Variants in UNC79 observed in about 807,000 individuals in gnomAD.
UNC79 encodes unc-79 subunit of NALCN channel complex.
A neutral mutation model predicts 283.1 loss-of-function variants in UNC79; 37 were observed. The ratio of observed to expected loss-of-function variants is 0.13; its 90% CI spans 0.10 to 0.17. UNC79 has a LOEUF of 0.17. UNC79 is among the 10% of genes least tolerant of loss of function. UNC79 has a pLI of 1.00. For synonymous variants in UNC79, 1,107 were observed against 1,200.2 expected, an observed-to-expected ratio of 0.92 and a Z score of 1.61; for missense variants, 2,272 against 3,211.1, an observed-to-expected ratio of 0.71 and a Z score of 7.07.
At chr14:93,365,011 T>C (rs1050336485) in intron 1 of UNC79, among the ~76,000 whole-genome samples, 1 of 151,976 alleles carries the variant, frequency 6.6e-6, no homozygotes, top group East Asian at 1.9e-4. Flanking sequence ...GGAGGGAAGA[T>C]TGCTTGAGAC....
rs142115082 is a variant in UNC79, at chr14:93,523,938, T to A, written c.899-40T>A. 3,734 of 1,607,466 alleles carry A rather than the reference T, an allele frequency of 2.3e-3. 8 individuals are homozygous for A. The highest frequency in any genetic ancestry group is 5.7e-3 in the African/African-American group (427 of 74,888). ...CTGTTTTTACTAGGGCATGAATAAT[T>A]TCAATGAGAAGTATTCATCAGCTGT... On this transcript the variant is annotated intron_variant, in intron 7 of 48. Coordinates refer to ENST00000555664, the Ensembl canonical transcript of UNC79.
chr14:93,689,109 AC>A (rs1292035596), intron 44 of UNC79: 2 of 448,296 alleles, frequency 4.5e-6, no homozygotes, highest in Admixed American at 7.7e-5. Context: ...TAGAATTACC[AC>A]TTTAATGCTT....
chr14:93,356,548 G>A (rs1353855210), intron 1 of UNC79, among the ~76,000 whole-genome samples: 1 of 152,200 alleles, frequency 6.6e-6, no homozygotes, highest in East Asian at 1.9e-4. Context: ...TTTCACCAGT[G>A]TCTGGCCTGG....
chr14:93,373,256 T>A (rs1425118213), intron 1 of UNC79, among the ~76,000 whole-genome samples: 1 of 151,984 alleles, frequency 6.6e-6, no homozygotes, highest in Non-Finnish European at 1.5e-5. Context: ...GAAGAGCAAA[T>A]TAAATCCAAG....
At position 93,571,988 on chromosome 14, in the gene UNC79, A is replaced by T. The variant is rs1327798512; in HGVS notation, c.1850A>T (p.Asn617Ile). The T allele has an allele frequency of 1.9e-6, 3 of 1,614,106 alleles. No homozygotes were observed. The South Asian group carries it at 3.3e-5, about 18-fold the overall frequency. The change falls in exon 15 of 49, where the codon AAT becomes ATT. Residue 617 changes from asparagine to isoleucine, a missense_variant. Asn to Ile is a moderately radical substitution (Grantham distance 149). Transcript: ENST00000555664. ...TGCCTGATCCCCTATAATGTGATCAATCAATCTGTCTGGGAGTGTATTATG... is the reference window on the plus strand; with the variant it reads ...TGCCTGATCCCCTATAATGTGATCATTCAATCTGTCTGGGAGTGTATTATG...
chr14:93,616,972 C>A, intron 27 of UNC79, 150 bp from the exon 29 acceptor site: 2 of 621,828 alleles, frequency 3.2e-6, no homozygotes, highest in South Asian at 3.4e-5. Context: ...TTCTTGCGTA[C>A]TAGCCATTAC....
At chr14:93,648,383 G>T (rs570108411) in intron 35 of UNC79, among the ~76,000 whole-genome samples, 2 of 152,314 alleles carry the variant, frequency 1.3e-5, no homozygotes, top group African/African-American at 4.8e-5. Context: ...AACCAGTTTG[G>T]AGACCATGTT....
At chr14:93,563,623 T>C (rs929748541) in intron 14 of UNC79, among the ~76,000 whole-genome samples, 2 of 152,176 alleles carry the variant, frequency 1.3e-5, no homozygotes, top group African/African-American at 4.8e-5. Flanking sequence ...CAGCATAGCC[T>C]GCTTTTGCTG....
intron 1 of UNC79, among the ~76,000 whole-genome samples, chr14:93,390,915 C>T (rs1234284031): frequency 6.6e-6 from 1 of 152,026 alleles, no homozygotes; most frequent in African/African-American, 2.4e-5. Context: ...AAATCCCAAA[C>T]AAAATTCCAT....
chr14:93,547,864 C>T (rs2061679668), intron 14 of UNC79, among the ~76,000 whole-genome samples: 1 of 151,966 alleles, frequency 6.6e-6, no homozygotes, highest in South Asian at 2.1e-4. Flanking sequence ...CATGTTGGCT[C>T]GCACCTGTAG....
At chr14:93,533,469 G>C (rs1009827590) in intron 11 of UNC79, among the ~76,000 whole-genome samples, 1 of 152,162 alleles carries the variant, frequency 6.6e-6, no homozygotes, top group Admixed American at 6.5e-5. Context: ...GCAGTCAGTT[G>C]GTGGGTAAGC....
chr14:93,387,555 T>A (rs1283095121), intron 1 of UNC79, among the ~76,000 whole-genome samples: 1 of 152,198 alleles, frequency 6.6e-6, no homozygotes, highest in African/African-American at 2.4e-5. Context: ...TGTCCGAAGT[T>A]CCTCTCGTTA....
chr14:93,454,076 C>T (rs7144872), intron 1 of UNC79, among the ~76,000 whole-genome samples: 91,503 of 149,754 alleles, frequency 0.61, 28,585 homozygotes, highest in Middle Eastern at 0.73. Context: ...GTCAGGGTCT[C>T]GCTGTGTCAC....
exon 31 of UNC79, chr14:93,630,858 C>G (rs149941360): frequency 6.2e-7 from 1 of 1,614,062 alleles, no homozygotes; most frequent in Non-Finnish European, 8.5e-7. Context: ...TCATCTGCCC[C>G]TACGTTAGAT....
chr14:93,412,157 C>T (rs2055348903), intron 1 of UNC79, among the ~76,000 whole-genome samples: 1 of 152,074 alleles, frequency 6.6e-6, no homozygotes, highest in South Asian at 2.1e-4. Flanking sequence ...AAGAATGCAT[C>T]AGAGTCTTTT....
chr14:93,556,547 A>T (rs1379463784), intron 14 of UNC79, among the ~76,000 whole-genome samples: 1 of 152,190 alleles, frequency 6.6e-6, no homozygotes, highest in East Asian at 1.9e-4. Flanking sequence ...CTCCCAAAAC[A>T]GGAGTCTGTG....
At chr14:93,347,481 G>A in intron 1 of UNC79, 6 of 1,346,340 alleles carry the variant, frequency 4.5e-6, no homozygotes, top group Non-Finnish European at 5.7e-6. Context: ...GGAGGACACG[G>A]CGTGCAGGCC....
At chr14:93,684,930 C>T (rs1211026753) in intron 42 of UNC79, among the ~76,000 whole-genome samples, 2 of 152,108 alleles carry the variant, frequency 1.3e-5, no homozygotes, top group Admixed American at 6.5e-5. Context: ...ACAAATGGAG[C>T]TTGACTTCTT....
chr14:93,341,011 G>C (rs982162269), intron 1 of UNC79, among the ~76,000 whole-genome samples: 3 of 152,150 alleles, frequency 2.0e-5, no homozygotes, highest in African/African-American at 7.2e-5. Context: ...TTTTCCTGAG[G>C]CTATGTGGTT....
Sources: allele counts gnomAD v4.1 joint callset (sites outside exome capture counted in the v4.1 genomes callset), GRCh38; gene constraint gnomAD v4.1.1; transcripts MANE v1.5; gene names NCBI Gene and HGNC (gene_info 2026-07-23, HGNC 2026-07-21).